The following PRKAR2B variants were observed in gnomAD, a reference collection of about 807,000 sequenced individuals.
The protein encoded by PRKAR2B is protein kinase cAMP-dependent type II regulatory subunit beta.
PRKAR2B carries 14 observed loss-of-function variants against 49.9 expected under a neutral mutation model. The observed-to-expected ratio is 0.28, with a 90% CI of 0.19 to 0.44. The LOEUF (loss-of-function observed/expected upper bound fraction) is 0.44. Ranked by LOEUF, PRKAR2B falls within the 20% of genes least tolerant of loss-of-function variation. The probability of loss-of-function intolerance (pLI) is 1.00; values close to 1 mark genes in which losing one functional copy is unlikely to be tolerated. For synonymous variants in PRKAR2B, 196 were observed against 197.7 expected (o/e 0.99, Z 0.07); for missense variants, 393 against 537.9 (o/e 0.73, Z 2.67).
chr7:107,114,338 G>A (rs1795229407), intron 2 of PRKAR2B, among the ~76,000 whole-genome samples: 2 of 102,640 alleles, frequency 1.9e-5, no homozygotes, highest in African/African-American at 1.4e-4. Context: ...GTGTGTGTGT[G>A]TGTGTGTGTG....
intron 1 of PRKAR2B, among the ~76,000 whole-genome samples, chr7:107,046,281 T>G (rs1240750203): frequency 6.6e-6 from 1 of 152,206 alleles, no homozygotes; most frequent in Admixed American, 6.5e-5. Flanking sequence ...AAGGCAAACA[T>G]GCATGCAGCA....
At chr7:107,084,538 C>CT (rs1794578749) in intron 2 of PRKAR2B, among the ~76,000 whole-genome samples, 1 of 151,534 alleles carries the variant, frequency 6.6e-6, no homozygotes, top group Admixed American at 6.6e-5. Context: ...TATTATTGCT[C>CT]TTTGTTTCTC....
chr7:107,060,942 A>G (rs986291595), intron 1 of PRKAR2B, among the ~76,000 whole-genome samples: 17 of 152,048 alleles, frequency 1.1e-4, no homozygotes, highest in Non-Finnish European at 1.5e-5. Context: ...ATATGGTATG[A>G]ATTAGGGAAT....
At chr7:107,100,135 C>A (rs1171220192) in intron 2 of PRKAR2B, among the ~76,000 whole-genome samples, 1 of 151,994 alleles carries the variant, frequency 6.6e-6, no homozygotes, top group Non-Finnish European at 1.5e-5. Flanking sequence ...TATCTAGTAT[C>A]ATTTCCTTTT....
chr7:107,076,752 A>G (rs555504293), intron 2 of PRKAR2B, among the ~76,000 whole-genome samples: 4 of 152,172 alleles, frequency 2.6e-5, no homozygotes, highest in Non-Finnish European at 5.9e-5. Flanking sequence ...CTAAAATTTT[A>G]TAATTTTCTG....
intron 8 of PRKAR2B, 48 bp downstream of exon 8, chr7:107,153,299 GT>G (rs1211011004): frequency 7.4e-7 from 1 of 1,348,174 alleles, no homozygotes; most frequent in Non-Finnish European, 1.0e-6. Flanking sequence ...ATTCCAAAAG[GT>G]TCCTGTAGTG....
At chr7:107,131,085 A>G (rs1020014928) in intron 4 of PRKAR2B, among the ~76,000 whole-genome samples, 1 of 152,190 alleles carries the variant, frequency 6.6e-6, no homozygotes, top group African/African-American at 2.4e-5. Context: ...CATACTTTGA[A>G]TACCAAAGAC....
intron 2 of PRKAR2B, among the ~76,000 whole-genome samples, chr7:107,074,032 A>T (rs988353184): frequency 6.6e-6 from 1 of 152,116 alleles, no homozygotes; most frequent in Non-Finnish European, 1.5e-5. Flanking sequence ...ACTCACTCCA[A>T]CCTGGGCAAC....
In PRKAR2B at chr7:107,048,180, C is replaced by A. The variant is rs1275186693; in HGVS notation, c.307+2966C>A. ...CCAGATGGGGCTGGGGCTAGCATAA[C>A]CTGAGTATCCCTTATATGTCAAGCT... On this transcript the variant is annotated intron_variant, in intron 1 of 10. Transcript: ENST00000265717. Among the ~76,000 whole-genome samples, 4 of 152,110 alleles carry A rather than the reference C, an allele frequency of 2.6e-5. No individual in the cohort carries two copies. The East Asian group carries it at 7.7e-4, about 29-fold the overall frequency.
At chr7:107,090,773 T>C (rs1249316306) in intron 2 of PRKAR2B, among the ~76,000 whole-genome samples, 1 of 152,218 alleles carries the variant, frequency 6.6e-6, no homozygotes, top group East Asian at 1.9e-4. Flanking sequence ...GTGACCCGTT[T>C]GGATGTGTCT....
At chr7:107,073,204 T>G (rs947779683) in intron 2 of PRKAR2B, among the ~76,000 whole-genome samples, 1 of 152,228 alleles carries the variant, frequency 6.6e-6, no homozygotes, top group African/African-American at 2.4e-5. Context: ...CCCCTTTGGA[T>G]ACCTTTTTCT....
At position 107,094,974 on chromosome 7, in the gene PRKAR2B, G is replaced by T. The variant is rs181662292; in HGVS notation, c.343+24658G>T. ...AGCTTTGTTCTTTTGACTTAGGATT[G>T]TCTTGGCAATACGGGCTCTTTTTTG... is the stretch of plus-strand genomic sequence containing the variant. On this transcript the variant is annotated intron_variant, in intron 2 of 10. Coordinates refer to ENST00000265717, the MANE Select transcript of PRKAR2B (RefSeq NM_002736.3). Among the ~76,000 whole-genome samples, 57 of 152,286 alleles carry T rather than the reference G, an allele frequency of 3.7e-4. No homozygotes were observed. The East Asian group carries it at 8.3e-3, about 22-fold the overall frequency.
chr7:107,094,937 C>A lies in PRKAR2B; in HGVS notation c.343+24621C>A, dbSNP rs1322173229. 2.0e-5 allele frequency among the ~76,000 whole-genome samples: 3 copies of A among 152,136 alleles called. No homozygotes were observed. In the East Asian group the frequency reaches 5.8e-4, roughly 29 times the overall value. ...TGTAGGATAGTTTGAAGTCAGGTAG[C>A]ATGATGCCTCCAGCTTTGTTCTTTT... is the stretch of plus-strand genomic sequence containing the variant. On this transcript the variant is annotated intron_variant, in intron 2 of 10. Transcript: ENST00000265717.
intron 2 of PRKAR2B, among the ~76,000 whole-genome samples, chr7:107,115,258 A>G (rs1204692758): frequency 6.6e-6 from 1 of 152,170 alleles, no homozygotes; most frequent in African/African-American, 2.4e-5. Flanking sequence ...TTATTTCATC[A>G]AGACAGGGTT....
At chr7:107,073,943 TC>T (rs1794338613) in intron 2 of PRKAR2B, among the ~76,000 whole-genome samples, 1 of 151,908 alleles carries the variant, frequency 6.6e-6, no homozygotes, top group Non-Finnish European at 1.5e-5. Context: ...GTGCCTATAG[TC>T]CCAGTTACTC....
chr7:107,157,097 C>A lies in PRKAR2B; in HGVS notation c.984+48C>A, dbSNP rs776013051. 3.7e-6 allele frequency: 6 copies of A among 1,607,142 alleles called. No homozygotes were observed. In the African/African-American group the frequency reaches 6.7e-5, roughly 18 times the overall value. ...ACCCACATACTGTTAGCAAGGAACA[C>A]AACAGATCTACTTTTTGATGTTTAG... is the stretch of plus-strand genomic sequence containing the variant. On this transcript the variant is annotated intron_variant, in intron 9 of 10. Transcript: ENST00000265717.
intron 1 of PRKAR2B, chr7:107,066,559 CA>C (rs1277318500): frequency 6.6e-6 from 1 of 151,890 alleles, no homozygotes; most frequent in Non-Finnish European, 1.5e-5. Flanking sequence ...CAGGTACATC[CA>C]AAGATGTTTA....
intron 4 of PRKAR2B, among the ~76,000 whole-genome samples, chr7:107,135,514 T>G (rs1795682088): frequency 6.6e-6 from 1 of 152,144 alleles, no homozygotes; most frequent in Non-Finnish European, 1.5e-5. Context: ...AGTAAGTGAT[T>G]ATAACAAGGT....
chr7:107,063,508 G>C (rs79481095), intron 1 of PRKAR2B, among the ~76,000 whole-genome samples: 1 of 152,210 alleles, frequency 6.6e-6, no homozygotes, highest in Non-Finnish European at 1.5e-5. Flanking sequence ...GGTCTCTTTT[G>C]CCAGCTCTGG....
Sources: gnomAD v4.1 joint callset for allele counts (sites outside exome capture counted in the v4.1 genomes callset) on GRCh38, gnomAD v4.1.1 for gene constraint, MANE v1.5 for transcripts, NCBI Gene and HGNC (gene_info 2026-07-23, HGNC 2026-07-21) for gene names.